The following RGS7 variants were observed in gnomAD, a reference collection of about 807,000 sequenced individuals.
RGS7 encodes the protein regulator of G-protein signaling 7.
Under a neutral mutation model 81.1 loss-of-function variants are expected in RGS7, and 27 were observed. The ratio of observed to expected loss-of-function variants is 0.33; its 90% CI spans 0.25 to 0.46. The LOEUF (loss-of-function observed/expected upper bound fraction) is 0.46. Among genes scored for constraint, RGS7 ranks in the 20% least tolerant of loss-of-function variants. RGS7 has a pLI of 1.00. For missense variants in RGS7, 396 were observed against 607.4 expected (o/e 0.65, Z 3.66); for synonymous variants, 208 against 207.7 (o/e 1.00, Z -0.01).
intron 3 of RGS7, among the ~76,000 whole-genome samples, chr1:241,088,556 C>T (rs952706221): frequency 2.0e-5 from 3 of 152,046 alleles, no homozygotes; most frequent in Non-Finnish European, 4.4e-5. Context: ...CAATTACCCC[C>T]TGATTGACGT....
intron 14 of RGS7, among the ~76,000 whole-genome samples, chr1:240,810,256 A>C (rs1402447412): frequency 6.6e-6 from 1 of 152,068 alleles, no homozygotes; most frequent in Non-Finnish European, 1.5e-5. Flanking sequence ...CTGTAATTTT[A>C]ATGAGAGAAG....
chr1:240,780,978 TAC>T (rs1558239059), intron 18 of RGS7, among the ~76,000 whole-genome samples: 1 of 150,518 alleles, frequency 6.6e-6, no homozygotes, highest in African/African-American at 2.4e-5. Context: ...GAAACTCAGA[TAC>T]AGTCATTTTT....
At chr1:241,231,435 G>A (rs111978881) in intron 2 of RGS7, among the ~76,000 whole-genome samples, 42 of 152,212 alleles carry the variant, frequency 2.8e-4, no homozygotes, top group African/African-American at 9.4e-4. Context: ...ACCATGCCTG[G>A]CTAATTTTTG....
chr1:241,218,283 C>A (rs1429419049), intron 2 of RGS7, among the ~76,000 whole-genome samples: 2 of 152,276 alleles, frequency 1.3e-5, no homozygotes, highest in Non-Finnish European at 2.9e-5. Flanking sequence ...AAAATAGGAA[C>A]CATATCTCTA....
At chr1:241,123,882 C>T (rs2066465159) in intron 2 of RGS7, among the ~76,000 whole-genome samples, 1 of 152,220 alleles carries the variant, frequency 6.6e-6, no homozygotes, top group Non-Finnish European at 1.5e-5. Context: ...CCCCGCCATG[C>T]TGTCCACCCT....
At chr1:240,837,860 TA>T (rs1337656194) in intron 9 of RGS7, among the ~76,000 whole-genome samples, 1 of 152,230 alleles carries the variant, frequency 6.6e-6, no homozygotes, top group African/African-American at 2.4e-5. Context: ...TAACTCACAG[TA>T]AATTCAAGGG....
chr1:240,845,721 T>C (rs1658952418), intron 9 of RGS7, among the ~76,000 whole-genome samples: 1 of 152,202 alleles, frequency 6.6e-6, no homozygotes, highest in South Asian at 2.1e-4. Context: ...ACACAGGCAA[T>C]CAATGTTATT....
At chr1:240,943,870 C>T (rs1344794158) in intron 4 of RGS7, among the ~76,000 whole-genome samples, 1 of 152,024 alleles carries the variant, frequency 6.6e-6, no homozygotes, top group Non-Finnish European at 1.5e-5. Context: ...AGAAGAATAA[C>T]AGGGACAGAG....
At chr1:241,324,709 C>T (rs181096123) in intron 2 of RGS7, among the ~76,000 whole-genome samples, 180 of 152,322 alleles carry the variant, frequency 1.2e-3, no homozygotes, top group African/African-American at 4.0e-3. Flanking sequence ...ACCAGCTTTT[C>T]ATGGTCCTTC....
At chr1:241,085,572 G>A (rs149981387) in intron 3 of RGS7, among the ~76,000 whole-genome samples, 8 of 151,420 alleles carry the variant, frequency 5.3e-5, no homozygotes, top group East Asian at 3.9e-4. Context: ...TTATAGGCCC[G>A]CACCATCATG....
intron 3 of RGS7, among the ~76,000 whole-genome samples, chr1:241,075,549 T>C (rs886312555): frequency 1.3e-5 from 2 of 152,064 alleles, no homozygotes; most frequent in African/African-American, 4.8e-5. Flanking sequence ...AGAAGAAGAA[T>C]TGTCTTGGGC....
At chr1:240,809,102 C>T (rs1463410741) in intron 14 of RGS7, among the ~76,000 whole-genome samples, 3 of 151,962 alleles carry the variant, frequency 2.0e-5, no homozygotes, top group Admixed American at 6.6e-5. Flanking sequence ...AAGTACTTGG[C>T]ATATTTTTAG....
At chr1:240,942,323 GTGTAAAGTACTC>G (rs574421560) in intron 4 of RGS7, among the ~76,000 whole-genome samples, 35 of 152,278 alleles carry the variant, frequency 2.3e-4, no homozygotes, top group African/African-American at 8.2e-4. Context: ...GAGTACTTGA[GTGTAAAGTACTC>G]TATATTTACA....
At position 240,880,444 on chromosome 1, in the gene RGS7, C is replaced by G. The variant is rs193281965; in HGVS notation, c.386-10325G>C. Reference sequence around the variant, plus strand: ...TCAAATAGAGACTAATGCTATTAATCTTGGGTTTCCCATCACGGCTGTTGA... The same window carrying G: ...TCAAATAGAGACTAATGCTATTAATGTTGGGTTTCCCATCACGGCTGTTGA... On this transcript the variant is annotated intron_variant, in intron 6 of 18. Coordinates refer to ENST00000440928, the MANE Select transcript of RGS7 (RefSeq NM_001364886.1). Among the ~76,000 whole-genome samples, 446 of 152,336 alleles carry G rather than the reference C, an allele frequency of 2.9e-3. 3 individuals carry two copies. Among genetic ancestry groups the G allele is most frequent in the African/African-American group, 0.01 (436 of 41,580 alleles).
chr1:241,083,813 G>A lies in RGS7; in HGVS notation c.175+14853C>T, dbSNP rs186877195. Reference sequence around the variant, plus strand: ...ATTTCTGACACAATGTTTTATAACTGTTTTCAAAAGCAATCTATTTCTCTC... The same window carrying A: ...ATTTCTGACACAATGTTTTATAACTATTTTCAAAAGCAATCTATTTCTCTC... On this transcript the variant is annotated intron_variant, in intron 3 of 18. Coordinates refer to ENST00000440928, the MANE Select transcript of RGS7 (RefSeq NM_001364886.1). Among the ~76,000 whole-genome samples the A allele has an allele frequency of 6.5e-3, 995 of 152,200 alleles. 19 individuals are homozygous for A. Among genetic ancestry groups the A allele is most frequent in the African/African-American group, 0.023 (966 of 41,522 alleles).
chr1:241,071,038 T>C (rs1244534599), intron 3 of RGS7, among the ~76,000 whole-genome samples: 1 of 152,202 alleles, frequency 6.6e-6, no homozygotes, highest in African/African-American at 2.4e-5. Flanking sequence ...TGGTGGCAGG[T>C]AGCATTTTCT....
intron 2 of RGS7, among the ~76,000 whole-genome samples, chr1:241,182,680 C>T (rs183234843): frequency 2.8e-5 from 4 of 142,430 alleles, no homozygotes; most frequent in Non-Finnish European, 3.0e-5. Context: ...GACAGAGTCT[C>T]GCTCTGTCAC....
chr1:241,223,473 A>G (rs1249191759), intron 2 of RGS7, among the ~76,000 whole-genome samples: 1 of 152,192 alleles, frequency 6.6e-6, no homozygotes, highest in Non-Finnish European at 1.5e-5. Flanking sequence ...AGAAGAAGAT[A>G]GTAAAATTGT....
In RGS7 at chr1:240,800,735, T is replaced by A; in HGVS notation, c.1414-14A>T. On this transcript the variant is annotated splice_polypyrimidine_tract_variant and intron_variant, in intron 17 of 18. Coordinates refer to ENST00000440928, the MANE Select transcript of RGS7 (RefSeq NM_001364886.1). Reference sequence around the variant, plus strand: ...GATGTTTCTGCCCTATAAAAATAAATGTGTTGAAGGCTTTAGTTTGAGCTT... The same window carrying A: ...GATGTTTCTGCCCTATAAAAATAAAAGTGTTGAAGGCTTTAGTTTGAGCTT... The A allele has an allele frequency of 2.0e-6, 3 of 1,497,242 alleles. No individual in the cohort carries two copies. The highest frequency in any genetic ancestry group is 2.7e-6 in the Non-Finnish European group (3 of 1,100,420). 92.7% of individuals were successfully genotyped at this position (1,497,242 alleles called of 1,614,324 possible).
Sources: allele counts gnomAD v4.1 joint callset (sites outside exome capture counted in the v4.1 genomes callset), GRCh38; gene constraint gnomAD v4.1.1; transcripts MANE v1.5; gene names NCBI Gene and HGNC (gene_info 2026-07-23, HGNC 2026-07-21).